KCNMB2: variants seen among roughly 807,000 people sequenced by gnomAD.
KCNMB2 encodes the protein calcium-activated potassium channel subunit beta-2.
KCNMB2 carries 9 observed loss-of-function variants against 24.5 expected under a neutral mutation model. The observed-to-expected ratio is 0.37, with a 90% confidence interval of 0.22 to 0.64. The LOEUF (loss-of-function observed/expected upper bound fraction) is 0.64. Ranked by LOEUF, KCNMB2 falls within the 30% of genes least tolerant of loss-of-function variation. KCNMB2 has a pLI of 0.63. For synonymous variants in KCNMB2, 109 were observed against 104.4 expected (o/e 1.04, Z -0.27); for missense variants, 226 against 284.3 (o/e 0.79, Z 1.47).
chr3:178,576,897 G>A (rs546030586), intron 1 of KCNMB2, among the ~76,000 whole-genome samples: 5 of 152,330 alleles, frequency 3.3e-5, no homozygotes, highest in Admixed American at 2.6e-4. Context: ...CCTGGGGGAA[G>A]GGGCAGCTGT....
At chr3:178,789,435 T>G (rs981875977) in intron 1 of KCNMB2, among the ~76,000 whole-genome samples, 2 of 152,076 alleles carry the variant, frequency 1.3e-5, no homozygotes, top group African/African-American at 2.4e-5. Flanking sequence ...AACACCTTCA[T>G]AAGAAGCAAA....
chr3:178,674,900 C>A lies in KCNMB2; in HGVS notation c.-67-132443C>A, dbSNP rs143872315. ...CAGAAAGAGGGCTTTATTCTCTTTG[C>A]CTAGAATGTTCTTCTCCCAGAATGC... On this transcript the variant is annotated intron_variant, in intron 1 of 4. Coordinates refer to ENST00000452583, the MANE Select transcript of KCNMB2 (RefSeq NM_181361.3). Among the ~76,000 whole-genome samples the A allele has an allele frequency of 4.9e-3, 747 of 152,314 alleles. 4 individuals carry two copies. The highest frequency in any genetic ancestry group is 0.017 in the African/African-American group (704 of 41,564).
chr3:178,596,214 T>C (rs942860596), intron 1 of KCNMB2, among the ~76,000 whole-genome samples: 5 of 152,150 alleles, frequency 3.3e-5, no homozygotes, highest in Admixed American at 2.0e-4. Context: ...CACATTCCCA[T>C]GCATCCAGTT....
rs1372084396 is a variant in KCNMB2, at chr3:178,825,627, C to A, written c.96C>A (p.Asp32Glu). The change falls in exon 3 of 5, where the codon GAC becomes GAA. Residue 32 changes from aspartate (D) to glutamate (E), a missense_variant. Transcript: ENST00000452583. ...AAATCAGGGACCATGACCTCCTGGA[C>A]AAAAGGAAAACAGTCACAGCACTGA... Reference protein sequence around the residue: ...YQKIRDHDLLDKRKTVTALKA... With the variant: ...YQKIRDHDLLEKRKTVTALKA... 1 of 1,613,880 alleles carries A rather than the reference C, an allele frequency of 6.2e-7. No individual in the cohort carries two copies.
rs116586224 is a variant in KCNMB2, at chr3:178,593,265, G to T, written c.-68+56554G>T. Among the ~76,000 whole-genome samples, 592 of 152,166 alleles carry T rather than the reference G, an allele frequency of 3.9e-3. 7 individuals carry two copies. Among genetic ancestry groups the T allele is most frequent in the African/African-American group, 0.013 (556 of 41,510 alleles). On this transcript the variant is annotated intron_variant, in intron 1 of 4. Coordinates refer to ENST00000452583, the MANE Select transcript of KCNMB2 (RefSeq NM_181361.3). Reference sequence around the variant, plus strand: ...ATTTATGACGTGTAAAATGGAAAATGATACCAGAAATGAAGTACCAGAAAT... The same window carrying T: ...ATTTATGACGTGTAAAATGGAAAATTATACCAGAAATGAAGTACCAGAAAT...
At chr3:178,720,812 A>G (rs1169138306) in intron 1 of KCNMB2, among the ~76,000 whole-genome samples, 7 of 148,414 alleles carry the variant, frequency 4.7e-5, no homozygotes, top group Non-Finnish European at 8.9e-5. Flanking sequence ...TCCTTTGCCC[A>G]CTTTTTGATG....
At chr3:178,758,139 GATAT>G (rs376138461) in intron 1 of KCNMB2, among the ~76,000 whole-genome samples, 8 of 11,648 alleles carry the variant, frequency 6.9e-4, no homozygotes, top group Admixed American at 1.2e-3. Context: ...CACACAAGAG[GATAT>G]ATATATATAT....
intron 1 of KCNMB2, among the ~76,000 whole-genome samples, chr3:178,624,122 G>A (rs1014136084): frequency 6.6e-6 from 1 of 152,128 alleles, no homozygotes; most frequent in Non-Finnish European, 1.5e-5. Flanking sequence ...AAGGAGAGCT[G>A]AGCTGAGCAA....
At chr3:178,785,092 T>C (rs557679222) in intron 1 of KCNMB2, among the ~76,000 whole-genome samples, 42 of 151,800 alleles carry the variant, frequency 2.8e-4, no homozygotes, top group Non-Finnish European at 5.3e-4. Flanking sequence ...GAATTAAAGA[T>C]GAAAAATATT....
intron 1 of KCNMB2, among the ~76,000 whole-genome samples, chr3:178,654,947 G>T (rs1271908404): frequency 6.6e-6 from 1 of 151,962 alleles, no homozygotes; most frequent in Non-Finnish European, 1.5e-5. Flanking sequence ...AGATTATAGT[G>T]GTTTCTACCT....
intron 1 of KCNMB2, among the ~76,000 whole-genome samples, chr3:178,647,530 T>A (rs1032991753): frequency 6.6e-6 from 1 of 152,236 alleles, no homozygotes; most frequent in African/African-American, 2.4e-5. Context: ...AAAAAAGTTA[T>A]TTAAATTATC....
At chr3:178,795,682 C>G (rs183861928) in intron 1 of KCNMB2, among the ~76,000 whole-genome samples, 1 of 152,236 alleles carries the variant, frequency 6.6e-6, no homozygotes, top group East Asian at 1.9e-4. Flanking sequence ...TTGACCTTAG[C>G]CCAGTTAGGG....
intron 1 of KCNMB2, among the ~76,000 whole-genome samples, chr3:178,745,765 A>G (rs1226492831): frequency 6.6e-6 from 1 of 152,250 alleles, no homozygotes; most frequent in East Asian, 1.9e-4. Flanking sequence ...CAAAGGGGCT[A>G]CAGGCCCCAT....
chr3:178,687,566 C>T (rs568222238), intron 1 of KCNMB2, among the ~76,000 whole-genome samples: 10 of 151,174 alleles, frequency 6.6e-5, no homozygotes, highest in East Asian at 5.8e-4. Flanking sequence ...GAGAATGATA[C>T]GCAAACAGCA....
chr3:178,694,082 C>T (rs562553861), intron 1 of KCNMB2, among the ~76,000 whole-genome samples: 2 of 152,208 alleles, frequency 1.3e-5, no homozygotes, highest in Admixed American at 6.5e-5. Flanking sequence ...ACTCCCAGTT[C>T]AGCATAGCTG....
intron 1 of KCNMB2, among the ~76,000 whole-genome samples, chr3:178,612,829 C>T (rs542325959): frequency 6.6e-6 from 1 of 151,980 alleles, no homozygotes; most frequent in Admixed American, 6.6e-5. Context: ...TTCTTTTCTT[C>T]TTGTTTTCCT....
intron 1 of KCNMB2, among the ~76,000 whole-genome samples, chr3:178,698,831 T>C (rs920062478): frequency 6.6e-6 from 1 of 152,206 alleles, no homozygotes; most frequent in African/African-American, 2.4e-5. Flanking sequence ...TTAATTGTGG[T>C]ATAAGGTGGA....
intron 1 of KCNMB2, among the ~76,000 whole-genome samples, chr3:178,715,771 T>C (rs1722600540): frequency 1.3e-5 from 2 of 152,218 alleles, no homozygotes; most frequent in Non-Finnish European, 2.9e-5. Context: ...GAAGTTTTTT[T>C]CCTATCACTG....
At chr3:178,536,772 T>C (rs1715424283) in intron 1 of KCNMB2, 61 bp downstream of exon 1, 1 of 152,480 alleles carries the variant, frequency 6.6e-6, no homozygotes, top group Admixed American at 6.5e-5. Context: ...GTTTGTTCTG[T>C]GGCGTGAGGA....
Sources: gnomAD v4.1 joint callset for allele counts (sites outside exome capture counted in the v4.1 genomes callset) on GRCh38, gnomAD v4.1.1 for gene constraint, MANE v1.5 for transcripts, NCBI Gene and HGNC (gene_info 2026-07-23, HGNC 2026-07-21) for gene names.